Variants in PEAR1 observed in about 807,000 individuals in gnomAD.
PEAR1 encodes the protein platelet endothelial aggregation receptor 1.
A neutral mutation model predicts 131.2 loss-of-function variants in PEAR1; 113 were observed. That is an observed-to-expected ratio of 0.86 (90% CI 0.74 to 1.01). The LOEUF is 1.01. Ranked by LOEUF, PEAR1 falls within the 50% of genes least tolerant of loss-of-function variation. The pLI, the probability that PEAR1 is intolerant of heterozygous loss-of-function variation, is 0.00. For missense variants in PEAR1, 1,408 were observed against 1,391.1 expected, an observed-to-expected ratio of 1.01 and a Z score of -0.19; for synonymous variants, 565 against 523.3, an observed-to-expected ratio of 1.08 and a Z score of -1.09.
At chr1:156,909,082 AG>A in intron 11 of PEAR1, 46 bp downstream of exon 11, 1 of 1,610,148 alleles carries the variant, frequency 6.2e-7, no homozygotes, top group Non-Finnish European at 8.5e-7. Flanking sequence ...GGGATGGCCA[AG>A]GGAAGAAGGG....
chr1:156,898,229 G>A (rs1173906052), intron 1 of PEAR1, among the ~76,000 whole-genome samples: 2 of 152,168 alleles, frequency 1.3e-5, no homozygotes, highest in Non-Finnish European at 2.9e-5. Context: ...ACACCCTCTG[G>A]GAGGGGTGCG....
chr1:156,905,030 G>A (rs927119906), intron 3 of PEAR1, 178 bp downstream of exon 3: 21 of 1,530,346 alleles, frequency 1.4e-5, no homozygotes, highest in South Asian at 8.4e-5. Context: ...ATGTGAATGC[G>A]TGTATGTGTG....
In PEAR1 at chr1:156,913,748, T is replaced by G; in HGVS notation, c.2701T>G (p.Phe901Val). 1 of 1,614,068 alleles carries G rather than the reference T, an allele frequency of 6.2e-7. No individual in the cohort carries two copies. The highest frequency in any genetic ancestry group is 8.5e-7 in the Non-Finnish European group (1 of 1,179,998). Residue 901 changes from phenylalanine (F) to valine (V), a missense_variant, in exon 21 of 23, where the codon TTC becomes GTC. By Grantham distance (50) the Phe-to-Val change is conservative (BLOSUM62 -1). Transcript: ENST00000292357. ...SYSYSNGPGP[F>V]YNKGLISEEE... is the part of the protein sequence containing the mutation. ...TAGCTACAGCAATGGCCCAGGCCCA[T>G]TCTACAATAAAGGTATGGGCACAGG...
At chr1:156,913,145 G>A in intron 18 of PEAR1, 49 bp from the exon 19 acceptor site, 1 of 1,589,486 alleles carries the variant, frequency 6.3e-7, no homozygotes, top group Non-Finnish European at 8.6e-7. Flanking sequence ...AGCTCTCTTG[G>A]ACTCCTGCCC....
At chr1:156,904,719 C>G in intron 2 of PEAR1, 29 bp from the exon 3 acceptor site, 2 of 1,579,530 alleles carry the variant, frequency 1.3e-6, no homozygotes, top group East Asian at 4.5e-5. Context: ...CTCCTGCCCT[C>G]GGCCCTGACC....
chr1:156,911,095 TTTCTTTCTTTCTTTTCTTTC>T (rs1651073552), intron 15 of PEAR1, among the ~76,000 whole-genome samples: 2 of 137,022 alleles, frequency 1.5e-5, no homozygotes, highest in African/African-American at 6.1e-5. Flanking sequence ...CTTTCTTTCC[TTTCTTTCTTTCTTTTCTTTC>T]TTCTTTCTTT....
At chr1:156,904,177 C>T in intron 2 of PEAR1, 150 bp downstream of exon 2, 1 of 649,152 alleles carries the variant, frequency 1.5e-6, no homozygotes, top group Non-Finnish European at 2.7e-6. Context: ...TGTTTCTGCT[C>T]TCTCTACTCC....
intron 4 of PEAR1, 25 bp from the exon 5 acceptor site, chr1:156,906,251 C>T (rs1395888447): frequency 1.9e-6 from 3 of 1,606,896 alleles, no homozygotes; most frequent in Admixed American, 3.3e-5. Flanking sequence ...GTGGACACAT[C>T]TCACCACACC....
At chr1:156,911,252 T>C (rs1262026532) in intron 15 of PEAR1, among the ~76,000 whole-genome samples, 1 of 149,390 alleles carries the variant, frequency 6.7e-6, no homozygotes, top group Non-Finnish European at 1.5e-5. Flanking sequence ...CTTCTTTCTT[T>C]CTTCTTTTCT....
chr1:156,904,697 C>T (rs765007363), intron 2 of PEAR1, 51 bp from the exon 3 acceptor site: 70 of 1,528,244 alleles, frequency 4.6e-5, no homozygotes, highest in African/African-American at 1.1e-4. Context: ...CCGTTGTGGC[C>T]GCTCAGGCCT....
In PEAR1 at chr1:156,907,931, T is replaced by G. The variant is rs1650534883; in HGVS notation, c.782T>G (p.Leu261Arg). Residue 261 changes from leucine (L) to arginine (R), a missense_variant, in exon 8 of 23, where the codon CTG becomes CGG. Physicochemically the swap from Leu to Arg is moderately radical, Grantham distance 102. Coordinates refer to ENST00000292357, the MANE Select transcript of PEAR1 (RefSeq NM_001080471.3). ...TCCCCACAGGGCACCATCTGCTCCC[T>G]GCCCTGCCCAGAGGGCTTTCACGGA... ...PPGWMGTICS[L>R]PCPEGFHGPN... 1 of 1,592,334 alleles carries G rather than the reference T, an allele frequency of 6.3e-7. No individual in the cohort carries two copies. Among genetic ancestry groups the G allele is most frequent in the African/African-American group, 1.3e-5 (1 of 74,442 alleles).
chr1:156,900,140 G>A (rs943670657), intron 1 of PEAR1, among the ~76,000 whole-genome samples: 7 of 152,132 alleles, frequency 4.6e-5, no homozygotes, highest in East Asian at 1.9e-4. Context: ...GTGTGGGCTC[G>A]GAGGCTGAGA....
At chr1:156,896,492 C>T (rs756126821) in intron 1 of PEAR1, among the ~76,000 whole-genome samples, 4 of 152,296 alleles carry the variant, frequency 2.6e-5, no homozygotes, top group East Asian at 3.9e-4. Flanking sequence ...TCCAGGGTGG[C>T]GGCGAGGGTT....
chr1:156,899,474 C>G (rs756314555), intron 1 of PEAR1, among the ~76,000 whole-genome samples: 1 of 152,156 alleles, frequency 6.6e-6, no homozygotes, highest in Non-Finnish European at 1.5e-5. Context: ...CCTGCCCCCA[C>G]TTCCTTTCTC....
rs1441505103 is a variant in PEAR1 at position 156,908,810 on chromosome 1, A to G, written c.1271A>G (p.Gln424Arg). Reference sequence around the variant, plus strand: ...TGCCAGGCTACCAGCGGCCTCTGTCAGTGCGCGCCGGGTTACACGGTGAGG... The same window carrying G: ...TGCCAGGCTACCAGCGGCCTCTGTCGGTGCGCGCCGGGTTACACGGTGAGG... Reference protein sequence around the residue: ...GVCQATSGLCQCAPGYTGPHC... With the variant: ...GVCQATSGLCRCAPGYTGPHC... Residue 424 changes from glutamine (Q) to arginine (R), a missense_variant, in exon 10 of 23, where the codon CAG (glutamine) becomes CGG (arginine). Transcript: ENST00000292357. This position sits in a 1 kb window ranked among gnomAD's most constrained non-coding sequence, Gnocchi z 4.2. The G allele has an allele frequency of 4.5e-6, 7 of 1,551,730 alleles. No homozygotes were observed. The South Asian group carries it at 7.8e-5, about 17-fold the overall frequency.
chr1:156,905,929 A>G (rs539503747), intron 4 of PEAR1, among the ~76,000 whole-genome samples: 124 of 152,130 alleles, frequency 8.2e-4, no homozygotes, highest in Admixed American at 2.0e-3. Context: ...GCCACTGCCC[A>G]TCACGAGCCT....
Position 156,907,634 on chromosome 1 carries a change from C to A in PEAR1, c.669C>A (p.Gly223=). 1.2e-6 allele frequency: 2 copies of A among 1,613,834 alleles called. No homozygotes were observed. The highest frequency in any genetic ancestry group is 1.7e-6 in the Non-Finnish European group (2 of 1,179,820). Reference sequence around the variant, plus strand: ...GCTGTGACGTGTCCTGTTCCCAGGGCACTTCTGGCTTCTTCTGCCCCAGCA... The same window carrying A: ...GCTGTGACGTGTCCTGTTCCCAGGGAACTTCTGGCTTCTTCTGCCCCAGCA... ...GPSCDVSCSQ[G]TSGFFCPSTH... The change falls in exon 7 of 23, where the codon GGC becomes GGA. Residue 223 remains glycine (G), a synonymous_variant. Transcript: ENST00000292357.
chr1:156,896,974 C>T (rs1434971658), intron 1 of PEAR1, among the ~76,000 whole-genome samples: 3 of 152,196 alleles, frequency 2.0e-5, no homozygotes, highest in East Asian at 3.8e-4. Context: ...TTGAGGGCCC[C>T]GAGACAAGGG....
chr1:156,911,547 G>C (rs1313493624), intron 15 of PEAR1, among the ~76,000 whole-genome samples: 1 of 151,890 alleles, frequency 6.6e-6, no homozygotes, highest in African/African-American at 2.4e-5. Context: ...GGTGATCTTG[G>C]CTTCCCAAAG....
Sources: gnomAD v4.1 joint callset for allele counts (sites outside exome capture counted in the v4.1 genomes callset) on GRCh38, gnomAD v4.1.1 for gene constraint, Gnocchi (gnomAD v3.1) non-coding constraint, MANE v1.5 for transcripts, NCBI Gene and HGNC (gene_info 2026-07-23, HGNC 2026-07-21) for gene names.